The following LRP11 variants were observed in gnomAD, a reference collection of about 807,000 sequenced individuals.
LRP11 encodes low-density lipoprotein receptor-related protein 11.
Under a neutral mutation model 43.1 loss-of-function variants are expected in LRP11, and 25 were observed. That is an observed-to-expected ratio of 0.58 (90% CI 0.42 to 0.81). LRP11 has a LOEUF of 0.81. Ranked by LOEUF, LRP11 falls within the 30% of genes least tolerant of loss-of-function variation. LRP11 has a pLI of 0.00. For missense variants in LRP11, 623 were observed against 665.1 expected, an observed-to-expected ratio of 0.94 and a Z score of 0.70; for synonymous variants, 316 against 299.4, an observed-to-expected ratio of 1.06 and a Z score of -0.57.
Position 149,863,731 on chromosome 6 carries a change from T to C in LRP11, c.290A>G (p.Tyr97Cys). 6.8e-6 allele frequency: 10 copies of C among 1,479,528 alleles called. No individual in the cohort carries two copies. Among genetic ancestry groups the C allele is most frequent in the Non-Finnish European group, 8.9e-6 (10 of 1,121,828 alleles). The allele number at this position is 1,479,528 out of a possible 1,614,324, so 91.7% of individuals were successfully genotyped here. The change falls in exon 1 of 7, where the codon TAC becomes TGC. Residue 97 changes from tyrosine (Y) to cysteine (C), a missense_variant. Physicochemically the swap from Tyr to Cys is radical, Grantham distance 194. Transcript: ENST00000239367. ...GATGATGGCGTCAGGCATTGCGCTGTAGCCGCCGCTGCCCGGGCCCGGGCA... is the reference window on the plus strand; with the variant it reads ...GATGATGGCGTCAGGCATTGCGCTGCAGCCGCCGCTGCCCGGGCCCGGGCA... ...EDCPGPGSGG[Y>C]SAMPDAIIRT...
At chr6:149,855,908 C>T (rs117464504) in intron 1 of LRP11, among the ~76,000 whole-genome samples, 8 of 152,234 alleles carry the variant, frequency 5.3e-5, no homozygotes, top group East Asian at 1.9e-4. Flanking sequence ...TGAACAAACA[C>T]GGAGTGTCTG....
At chr6:149,821,543 T>C (rs1776278362) in intron 6 of LRP11, among the ~76,000 whole-genome samples, 1 of 152,230 alleles carries the variant, frequency 6.6e-6, no homozygotes, top group Non-Finnish European at 1.5e-5. Flanking sequence ...TGGTGTGATT[T>C]TGGACATTAA....
chr6:149,859,397 T>TATATATATATATATATATATATATA (rs1491456220), intron 1 of LRP11, among the ~76,000 whole-genome samples: 54 of 72,814 alleles, frequency 7.4e-4, no homozygotes, highest in South Asian at 1.7e-3. Flanking sequence ...TATATATATA[T>TATATATATATATATATATATATATA]TTTTTTTTTT....
chr6:149,857,878 T>C (rs920856218), intron 1 of LRP11, among the ~76,000 whole-genome samples: 2 of 152,160 alleles, frequency 1.3e-5, no homozygotes, highest in Non-Finnish European at 2.9e-5. Context: ...GCGGTTACAA[T>C]TTCCTTGTAC....
intron 1 of LRP11, among the ~76,000 whole-genome samples, chr6:149,861,442 C>A (rs984258760): frequency 1.3e-5 from 2 of 152,158 alleles, no homozygotes; most frequent in African/African-American, 4.8e-5. Context: ...AGACAAACTC[C>A]CCTGGGGAAA....
At chr6:149,830,742 G>T (rs193206750) in intron 5 of LRP11, among the ~76,000 whole-genome samples, 9 of 152,300 alleles carry the variant, frequency 5.9e-5, no homozygotes, top group African/African-American at 1.9e-4. Context: ...TTTCTTAAAT[G>T]CCCTTATTCC....
chr6:149,857,288 T>C (rs1776813943), intron 1 of LRP11, among the ~76,000 whole-genome samples: 2 of 152,032 alleles, frequency 1.3e-5, no homozygotes, highest in African/African-American at 4.8e-5. Flanking sequence ...TCCCAGCACT[T>C]TGGGAGGCTG....
In LRP11 at chr6:149,821,196, T is replaced by C. The variant is rs188363724; in HGVS notation, c.1349-493A>G. Among the ~76,000 whole-genome samples the C allele has an allele frequency of 2.4e-4, 37 of 152,276 alleles. No homozygotes were observed. In the East Asian group the frequency reaches 5.2e-3, roughly 21 times the overall value. On this transcript the variant is annotated intron_variant, in intron 6 of 6. Coordinates refer to ENST00000239367, the MANE Select transcript of LRP11 (RefSeq NM_032832.6). The stretch of plus-strand genomic sequence containing the variant: ...CACCTGCCTCGGCCTCCCAAAGTGC[T>C]GGGATTACAGGCGTGAGCCACCGTG...
chr6:149,862,967 G>T (rs1172288711), intron 1 of LRP11, among the ~76,000 whole-genome samples: 1 of 152,042 alleles, frequency 6.6e-6, no homozygotes, highest in Non-Finnish European at 1.5e-5. Context: ...ATTTTTGTAT[G>T]ATGAAAGCCA....
At chr6:149,824,893 C>G (rs1255486069) in intron 6 of LRP11, among the ~76,000 whole-genome samples, 2 of 152,142 alleles carry the variant, frequency 1.3e-5, no homozygotes, top group East Asian at 3.9e-4. Context: ...TATGTAACAA[C>G]CAGAATAGGC....
chr6:149,848,198 AC>A, intron 2 of LRP11, among the ~76,000 whole-genome samples: 1 of 151,668 alleles, frequency 6.6e-6, no homozygotes, highest in Non-Finnish European at 1.5e-5. Flanking sequence ...ACAAAACAAA[AC>A]AAAAAAAACC....
chr6:149,854,571 G>A (rs1018440603), intron 1 of LRP11, among the ~76,000 whole-genome samples: 3 of 152,200 alleles, frequency 2.0e-5, no homozygotes, highest in Non-Finnish European at 4.4e-5. Flanking sequence ...ATTGATGTAA[G>A]CTTCTTAGTA....
At chr6:149,838,912 T>G (rs1421953382) in intron 3 of LRP11, among the ~76,000 whole-genome samples, 3 of 152,070 alleles carry the variant, frequency 2.0e-5, no homozygotes, top group African/African-American at 7.2e-5. Context: ...TCACAGGAGC[T>G]CCACGGTTTT....
chr6:149,821,458 A>G (rs929629078), intron 6 of LRP11, among the ~76,000 whole-genome samples: 3 of 152,236 alleles, frequency 2.0e-5, no homozygotes, highest in African/African-American at 7.2e-5. Flanking sequence ...GGGCTTAAGA[A>G]ATTTATTTCC....
chr6:149,822,676 C>T (rs1776291585), intron 6 of LRP11, among the ~76,000 whole-genome samples: 1 of 152,008 alleles, frequency 6.6e-6, no homozygotes, highest in African/African-American at 2.4e-5. Flanking sequence ...GGTAGACAGA[C>T]ATTTAAATGG....
intron 1 of LRP11, among the ~76,000 whole-genome samples, chr6:149,859,396 A>ATATATATTTTTTTTTTTTT: frequency 1.4e-5 from 1 of 71,494 alleles, no homozygotes; most frequent in African/African-American, 8.2e-5. Flanking sequence ...ATATATATAT[A>ATATATATTTTTTTTTTTTT]TTTTTTTTTT....
At chr6:149,853,356 G>C (rs1339326238) in intron 1 of LRP11, among the ~76,000 whole-genome samples, 196 bp from the exon 2 acceptor site, 1 of 152,128 alleles carries the variant, frequency 6.6e-6, no homozygotes, top group Non-Finnish European at 1.5e-5. Flanking sequence ...GCTGTGTGGA[G>C]TGTTGGCTGG....
In LRP11 at chr6:149,863,624, C is replaced by A; in HGVS notation, c.397G>T (p.Ala133Ser). Reference sequence around the variant, plus strand: ...GAGCAGCGCGGCTCGGAGCAGCAGGCCGCCACGCATTGCCGCCAGCCCCGC... The same window carrying A: ...GAGCAGCGCGGCTCGGAGCAGCAGGACGCCACGCATTGCCGCCAGCCCCGC... ...AVRGWRQCVA[A>S]CCSEPRCSVA... Residue 133 changes from alanine (A) to serine (S), a missense_variant, in exon 1 of 7, where the codon GCC becomes TCC. By Grantham distance (99) the Ala-to-Ser change is moderately conservative (BLOSUM62 1). Coordinates refer to ENST00000239367, the MANE Select transcript of LRP11 (RefSeq NM_032832.6). The A allele has an allele frequency of 6.8e-7, 1 of 1,468,118 alleles. No individual in the cohort carries two copies. The highest frequency in any genetic ancestry group is 9.0e-7 in the Non-Finnish European group (1 of 1,116,730). The allele number at this position is 1,468,118 out of a possible 1,614,324, so 90.9% of individuals were successfully genotyped here.
At chr6:149,856,340 G>T (rs1776799020) in intron 1 of LRP11, among the ~76,000 whole-genome samples, 1 of 152,170 alleles carries the variant, frequency 6.6e-6, no homozygotes, top group Non-Finnish European at 1.5e-5. Context: ...TGAATTATAA[G>T]CTTAGTGAAA....
Sources: gnomAD v4.1 joint callset for allele counts (sites outside exome capture counted in the v4.1 genomes callset) on GRCh38, gnomAD v4.1.1 for gene constraint, MANE v1.5 for transcripts, NCBI Gene and HGNC (gene_info 2026-07-23, HGNC 2026-07-21) for gene names.